Variants in ARPC5 observed in about 807,000 individuals in gnomAD.
The protein encoded by ARPC5 is actin-related protein 2/3 complex subunit 5.
A neutral mutation model predicts 15.4 loss-of-function variants in ARPC5; 5 were observed. The ratio of observed to expected loss-of-function variants is 0.32; its 90% CI spans 0.17 to 0.68. The LOEUF (loss-of-function observed/expected upper bound fraction) is 0.68, where lower values mean the gene tolerates loss of function less well. ARPC5 is among the 30% of genes least tolerant of loss of function. ARPC5 has a pLI of 0.71. For synonymous variants in ARPC5, 85 were observed against 72.2 expected (o/e 1.18, Z -0.90); for missense variants, 138 against 192.8 (o/e 0.72, Z 1.68).
intron 1 of ARPC5, chr1:183,633,858 C>T (rs1235946866): frequency 6.6e-6 from 1 of 152,158 alleles, no homozygotes; most frequent in African/African-American, 2.4e-5. Context: ...AAACAGAAGG[C>T]CAATCAGACT....
Position 183,623,554 on chromosome 1 carries a change from G to A in ARPC5, c.*3978C>T. 1 of 1,543,504 alleles carries A rather than the reference G, an allele frequency of 6.5e-7. No individual in the cohort carries two copies. The highest frequency in any genetic ancestry group is 1.4e-5 in the African/African-American group (1 of 72,968). On this transcript the variant is annotated 3_prime_UTR_variant, in exon 4 of 4. Transcript: ENST00000359856. ...GAGGGGGAGAGGGAGTGGGGCAGAGGTCCCGCGGCAGGAATATGGACAGAA... is the reference window on the plus strand; with the variant it reads ...GAGGGGGAGAGGGAGTGGGGCAGAGATCCCGCGGCAGGAATATGGACAGAA...
chr1:183,630,812 TGTGTGTTCA>T lies in ARPC5; in HGVS notation c.217-184_217-176del, dbSNP rs1649242179. The T allele has an allele frequency of 5.1e-6, 3 of 590,960 alleles. No individual in the cohort carries two copies. In the South Asian group the frequency reaches 8.1e-5, roughly 16 times the overall value. 36.6% of individuals were successfully genotyped at this position (590,960 alleles called of 1,614,324 possible). A position where few individuals can be genotyped will look rare whatever the true frequency, so the allele number is the denominator to read the frequency against. On this transcript the variant is annotated intron_variant, in intron 2 of 3. Transcript: ENST00000359856. ...ACAGAGGAAAGAACAGTGCTATTAG[TGTGTGTTCA>T]GTGTGTTCCAGGAACAGAAAAAAAC...
intron 1 of ARPC5, 135 bp from the exon 2 acceptor site, chr1:183,633,289 G>A (rs1572199375): frequency 5.2e-6 from 3 of 581,672 alleles, no homozygotes; most frequent in Admixed American, 3.5e-5. Context: ...AATTCAATGT[G>A]TTGGTTTCCA....
intron 2 of ARPC5, 151 bp from the exon 3 acceptor site, chr1:183,630,788 CAG>C (rs757592971): frequency 1.4e-6 from 1 of 704,598 alleles, no homozygotes; most frequent in Non-Finnish European, 2.3e-6. Context: ...GTGTTTCAGA[CAG>C]AGGAAAGAAC....
At position 183,635,730 on chromosome 1, in the gene ARPC5, C is replaced by A. The variant is rs993196716; in HGVS notation, c.-71G>T. 9.3e-5 allele frequency: 145 copies of A among 1,551,372 alleles called. 1 individual carries two copies. In the East Asian group the frequency reaches 3.4e-3, roughly 36 times the overall value. On this transcript the variant is annotated 5_prime_UTR_variant, in exon 1 of 4. Transcript: ENST00000359856. ...ACCTCAGCAAGCCCAGCCCAGCAAC[C>A]CACTACCCGGCGCCTGATTCACTTC... is the stretch of plus-strand genomic sequence containing the variant.
Position 183,635,671 on chromosome 1 carries a change from C to T in ARPC5, c.-12G>A. The T allele has an allele frequency of 1.2e-6, 2 of 1,609,276 alleles. No individual in the cohort carries two copies. Among genetic ancestry groups the T allele is most frequent in the Non-Finnish European group, 1.7e-6 (2 of 1,177,652 alleles). On this transcript the variant is annotated 5_prime_UTR_variant, in exon 1 of 4. Coordinates refer to ENST00000359856, the MANE Select transcript of ARPC5 (RefSeq NM_005717.4). ...GTGTTCTTCGACATCCCAATCCCGA[C>T]CAGCGGCAAAGGCCTCTTCTTGGCG...
At chr1:183,630,754 G>T in intron 2 of ARPC5, 117 bp from the exon 3 acceptor site, 1 of 922,604 alleles carries the variant, frequency 1.1e-6, no homozygotes, top group Non-Finnish European at 1.6e-6. Context: ...GGACGTGAAA[G>T]AAGGCTTGGG....
At position 183,630,755 on chromosome 1, in the gene ARPC5, A is replaced by G. The variant is rs192826788; in HGVS notation, c.217-118T>C. 589 of 924,366 alleles carry G rather than the reference A, an allele frequency of 6.4e-4. 9 individuals are homozygous for G. The East Asian group carries it at 9.4e-3, about 15-fold the overall frequency. The allele number at this position is 924,366 out of a possible 1,614,324, so 57.3% of individuals were successfully genotyped here. ...AGTAAGGACCTGAAGGACGTGAAAG[A>G]AGGCTTGGGATAACTGAGGAAAGTG... On this transcript the variant is annotated intron_variant, in intron 2 of 3. Coordinates refer to ENST00000359856, the MANE Select transcript of ARPC5 (RefSeq NM_005717.4).
Position 183,635,697 on chromosome 1 carries a change from C to G in ARPC5, c.-38G>C. 2 of 1,596,200 alleles carry G rather than the reference C, an allele frequency of 1.3e-6. No homozygotes were observed. Among genetic ancestry groups the G allele is most frequent in the Non-Finnish European group, 1.7e-6 (2 of 1,170,116 alleles). On this transcript the variant is annotated 5_prime_UTR_variant, in exon 1 of 4. Coordinates refer to ENST00000359856, the MANE Select transcript of ARPC5 (RefSeq NM_005717.4). ...CAGCGGCAAAGGCCTCTTCTTGGCG[C>G]TGCCTCTACCTCAGCAAGCCCAGCC...
In ARPC5 at chr1:183,621,963, T is replaced by G. The variant is rs574289233; in HGVS notation, c.*5569A>C. On this transcript the variant is annotated 3_prime_UTR_variant, in exon 4 of 4. Transcript: ENST00000359856. ...CAGCCCAGTAGGTCTCAGCCTTATT[T>G]TACCCAGCTTCTATTCAAGAAGGAA... The G allele has an allele frequency of 1.3e-5, 2 of 152,384 alleles. No individual in the cohort carries two copies. Among genetic ancestry groups the G allele is most frequent in the Non-Finnish European group, 2.9e-5 (2 of 68,034 alleles). 9.4% of individuals were successfully genotyped at this position (152,384 alleles called of 1,614,324 possible).
chr1:183,630,604 T>C lies in ARPC5; in HGVS notation c.250A>G (p.Ile84Val). The change falls in exon 3 of 4, where the codon ATC becomes GTC. Residue 84 changes from isoleucine to valine, a missense_variant. By Grantham distance (29) the Ile-to-Val change is conservative. Transcript: ENST00000359856. The part of the protein sequence containing the change: ...RAGSIVLKVL[I>V]SFKANDIEKA... Reference sequence around the variant, plus strand: ...TCTATATCATTAGCTTTAAAAGAGATGAGCACCTTCAAGACAATGCTGCCT... The same window carrying C: ...TCTATATCATTAGCTTTAAAAGAGACGAGCACCTTCAAGACAATGCTGCCT... The C allele has an allele frequency of 6.2e-7, 1 of 1,614,086 alleles. No homozygotes were observed. The highest frequency in any genetic ancestry group is 1.1e-5 in the South Asian group (1 of 91,082).
rs542749463 is a variant in ARPC5, at chr1:183,623,788, G to A, written c.*3744C>T. 4.7e-4 allele frequency: 167 copies of A among 358,342 alleles called. 2 individuals are homozygous for A. The highest frequency in any genetic ancestry group is 1.2e-3 in the South Asian group (39 of 31,210). The allele number at this position is 358,342 out of a possible 1,614,324, so 22.2% of individuals were successfully genotyped here. On this transcript the variant is annotated 3_prime_UTR_variant, in exon 4 of 4. Coordinates refer to ENST00000359856, the MANE Select transcript of ARPC5 (RefSeq NM_005717.4). ...CTGTAATCCCAGTGCTTTGGGAGGC[G>A]GAGGAGGGTGGATCACCTGAGGTCA...
rs1200988507 is a variant in ARPC5 at position 183,621,139 on chromosome 1, A to G, written c.*6393T>C. The G allele has an allele frequency of 6.6e-6, 1 of 152,246 alleles. No individual in the cohort carries two copies. The highest frequency in any genetic ancestry group is 2.4e-5 in the African/African-American group (1 of 41,480). 9.4% of individuals were successfully genotyped at this position (152,246 alleles called of 1,614,324 possible). A position where few individuals can be genotyped will look rare whatever the true frequency, so the allele number is the denominator to read the frequency against. ...GATTAAAAAATGTTTTATGACAAAC[A>G]CATAGAATAGGTAAAGGGGTGGGAA... On this transcript the variant is annotated 3_prime_UTR_variant, in exon 4 of 4. Coordinates refer to ENST00000359856, the MANE Select transcript of ARPC5 (RefSeq NM_005717.4).
chr1:183,632,409 A>G (rs1422838993), intron 2 of ARPC5: 6 of 152,204 alleles, frequency 3.9e-5, no homozygotes, highest in African/African-American at 1.4e-4. Context: ...ACCAAAAAAT[A>G]TTGATTTCAG....
rs1322893863 is a variant in ARPC5 at position 183,625,873 on chromosome 1, TGAAA to T, written c.*1655_*1658del. 6.6e-6 allele frequency: 1 copy of T among 152,120 alleles called. No homozygotes were observed. The highest frequency in any genetic ancestry group is 6.5e-5 in the Admixed American group (1 of 15,276). 9.4% of individuals were successfully genotyped at this position (152,120 alleles called of 1,614,324 possible). A position where few individuals can be genotyped will look rare whatever the true frequency, so the allele number is the denominator to read the frequency against. ...GTAAGTACAAGAAATAGATTTGAGGTGAAAGAAAGAGAATTTTGGAGGCTGGGAG... is the reference window on the plus strand; with the variant it reads ...GTAAGTACAAGAAATAGATTTGAGGTGAAAGAGAATTTTGGAGGCTGGGAG... On this transcript the variant is annotated 3_prime_UTR_variant, in exon 4 of 4. Coordinates refer to ENST00000359856, the MANE Select transcript of ARPC5 (RefSeq NM_005717.4).
rs762705662 is a variant in ARPC5, at chr1:183,626,541, T to C, written c.*991A>G. 1 of 152,780 alleles carries C rather than the reference T, an allele frequency of 6.5e-6. No homozygotes were observed. 9.5% of individuals were successfully genotyped at this position (152,780 alleles called of 1,614,324 possible). ...AAACACTGAGCTAAAACACAGAATG[T>C]GTATTTGTTTGGATCTGAACCAAAT... On this transcript the variant is annotated 3_prime_UTR_variant, in exon 4 of 4. Coordinates refer to ENST00000359856, the MANE Select transcript of ARPC5 (RefSeq NM_005717.4).
intron 1 of ARPC5, among the ~76,000 whole-genome samples, chr1:183,635,313 C>A (rs1381494913): frequency 6.6e-6 from 1 of 152,202 alleles, no homozygotes; most frequent in African/African-American, 2.4e-5. Flanking sequence ...AGAGTGGGAC[C>A]CTCGCGTCTC....
chr1:183,635,474 C>A (rs771811259), intron 1 of ARPC5, 43 bp downstream of exon 1: 46 of 1,016,200 alleles, frequency 4.5e-5, no homozygotes, highest in Non-Finnish European at 2.8e-6. Flanking sequence ...GAAGGGCGGG[C>A]TGGGCTGGGC....
intron 3 of ARPC5, among the ~76,000 whole-genome samples, chr1:183,628,611 A>G (rs545036850): frequency 8.5e-5 from 13 of 152,318 alleles, no homozygotes; most frequent in Admixed American, 3.3e-4. Flanking sequence ...ATGAAATGAG[A>G]GTTGTGCTGC....
Sources: gnomAD v4.1 joint callset for allele counts (sites outside exome capture counted in the v4.1 genomes callset) on GRCh38, gnomAD v4.1.1 for gene constraint, MANE v1.5 for transcripts, NCBI Gene and HGNC (gene_info 2026-07-23, HGNC 2026-07-21) for gene names.